The following MACF1 variants were observed in gnomAD, a reference collection of about 807,000 sequenced individuals.
The protein encoded by MACF1 is microtubule actin crosslinking factor 1.
A neutral mutation model predicts 854.8 loss-of-function variants in MACF1; 193 were observed. The observed-to-expected ratio is 0.23, with a 90% CI of 0.20 to 0.25. The LOEUF (loss-of-function observed/expected upper bound fraction) is 0.25. Among genes scored for constraint, MACF1 ranks in the 10% least tolerant of loss-of-function variants. The probability of loss-of-function intolerance (pLI) is 1.00; values close to 1 mark genes in which losing one functional copy is unlikely to be tolerated. For missense variants in MACF1, 7,722 were observed against 8,929.1 expected, an observed-to-expected ratio of 0.86 and a Z score of 5.45; for synonymous variants, 3,185 against 3,226.7, an observed-to-expected ratio of 0.99 and a Z score of 0.44.
intron 58 of MACF1, chr1:39,412,974 C>T (rs1434131340): frequency 1.3e-6 from 2 of 1,589,426 alleles, no homozygotes; most frequent in Admixed American, 1.8e-5. Flanking sequence ...CAGTATCAGC[C>T]CCAGAGAGGG....
Position 39,317,230 on chromosome 1 carries a change from T to C in MACF1, c.3605T>C (p.Val1202Ala), listed in dbSNP as rs752397713. 1 of 1,613,916 alleles carries C rather than the reference T, an allele frequency of 6.2e-7. No individual in the cohort carries two copies. The highest frequency in any genetic ancestry group is 2.2e-5 in the East Asian group (1 of 44,868). The change falls in exon 29 of 101, where the codon GTG (valine) becomes GCG (alanine). Residue 1202 changes from valine to alanine, a missense_variant. By Grantham distance (64) the Val-to-Ala change is moderately conservative. Transcript: ENST00000564288. ...TTTCCACAGCACTGGCTTAGTGATG[T>C]GAAGGACAAGAATTCAGTGTTTTCA... ...WSTLRHWLSD[V>A]KDKNSVFSVL...
chr1:39,094,342 T>C (rs187125453), intron 2 of MACF1, among the ~76,000 whole-genome samples: 6 of 150,612 alleles, frequency 4.0e-5, no homozygotes, highest in Non-Finnish European at 7.4e-5. Context: ...GTGGAGGTTG[T>C]GGTGAACTGA....
At chr1:39,224,106 G>A (rs778699393) in intron 1 of MACF1, among the ~76,000 whole-genome samples, 24 of 152,104 alleles carry the variant, frequency 1.6e-4, no homozygotes, top group Non-Finnish European at 2.9e-4. Flanking sequence ...AACTATGGAT[G>A]TTCATTAAAT....
chr1:39,152,034 G>T (rs1005514463), intron 2 of MACF1, among the ~76,000 whole-genome samples: 1 of 151,938 alleles, frequency 6.6e-6, no homozygotes, highest in African/African-American at 2.4e-5. Flanking sequence ...GAGTGCAATG[G>T]CGCAATCTCA....
intron 2 of MACF1, among the ~76,000 whole-genome samples, chr1:39,136,148 C>G (rs529539156): frequency 6.6e-6 from 1 of 152,192 alleles, no homozygotes; most frequent in Non-Finnish European, 1.5e-5. Flanking sequence ...CAATGCAGCC[C>G]ACCACCAGAA....
At chr1:39,281,629 TAC>T (rs1645549040) in intron 6 of MACF1, among the ~76,000 whole-genome samples, 1 of 152,144 alleles carries the variant, frequency 6.6e-6, no homozygotes, top group East Asian at 1.9e-4. Context: ...TAACTGGGAC[TAC>T]AGGCATGAGC....
In MACF1 at chr1:39,409,508, C is replaced by CGCTGCT. The variant is rs1330827162; in HGVS notation, c.15817-12860_15817-12855dup. On this transcript the variant is annotated intron_variant, in intron 58 of 100. Transcript: ENST00000564288. This position sits in a 1 kb window ranked among gnomAD's most constrained non-coding sequence, Gnocchi z 4.2. ...CGAGCCCCTCCGACAGACCCGCGGC[C>CGCTGCT]GCTGCTGCTGCCCGCCCGCCCGCCT... 2 of 152,076 alleles carry CGCTGCT rather than the reference C, an allele frequency of 1.3e-5. No individual in the cohort carries two copies. The highest frequency in any genetic ancestry group is 2.4e-5 in the African/African-American group (1 of 41,376). 9.4% of individuals were successfully genotyped at this position (152,076 alleles called of 1,614,324 possible).
At chr1:39,149,549 A>AAAAT (rs1010062822) in intron 2 of MACF1, among the ~76,000 whole-genome samples, 28 of 151,758 alleles carry the variant, frequency 1.8e-4, no homozygotes, top group African/African-American at 6.0e-4. Flanking sequence ...AATAAAAATA[A>AAAAT]AAATAAATAA....
At chr1:39,251,999 TC>T in intron 4 of MACF1, 58 bp downstream of exon 4, 1 of 1,223,414 alleles carries the variant, frequency 8.2e-7, no homozygotes. Flanking sequence ...TGCAGGGCCA[TC>T]AGAGTCTGAG....
At chr1:39,480,166 A>T in intron 98 of MACF1, 157 bp downstream of exon 98, 1 of 500,756 alleles carries the variant, frequency 2.0e-6, no homozygotes, top group Non-Finnish European at 3.6e-6. Context: ...ACACAGATCA[A>T]GACTGCCCTG....
chr1:39,406,847 A>G (rs1642735502), intron 58 of MACF1, among the ~76,000 whole-genome samples: 1 of 152,044 alleles, frequency 6.6e-6, no homozygotes, highest in Non-Finnish European at 1.5e-5. Flanking sequence ...GGCATGCTAA[A>G]CAGTCTGTTA....
At chr1:39,197,950 C>T (rs1644342230) in intron 2 of MACF1, among the ~76,000 whole-genome samples, 1 of 152,180 alleles carries the variant, frequency 6.6e-6, no homozygotes, top group South Asian at 2.1e-4. Context: ...ATAATCCCTG[C>T]ACTTTGGTAG....
At chr1:39,315,023 A>G (rs1312257210) in intron 26 of MACF1, among the ~76,000 whole-genome samples, 1 of 152,140 alleles carries the variant, frequency 6.6e-6, no homozygotes, top group Non-Finnish European at 1.5e-5. Context: ...TTCCTTATTT[A>G]TTTCTTTACA....
In MACF1 at chr1:39,335,305, C is replaced by A; in HGVS notation, c.8717C>A (p.Thr2906Lys). ...EVARNNMGND[T>K]NEEQEKAVTK... ...GCTAGAAATAACATGGGAAATGATA[C>A]AAATGAAGAGCAGGAAAAAGCAGTG... Residue 2906 changes from threonine to lysine, a missense_variant, in exon 37 of 101, where the codon ACA becomes AAA. Around this residue, in one of 15 missense-constraint regions of MACF1, gnomAD observed 854 missense variants for 852.6 expected, o/e 1.00. Transcript: ENST00000564288. 1 of 1,613,954 alleles carries A rather than the reference C, an allele frequency of 6.2e-7. No homozygotes were observed. Among genetic ancestry groups the A allele is most frequent in the Non-Finnish European group, 8.5e-7 (1 of 1,179,952 alleles).
intron 47 of MACF1, among the ~76,000 whole-genome samples, chr1:39,360,011 AAATATATATATATAT>A (rs1647986224): frequency 2.1e-5 from 1 of 46,576 alleles, no homozygotes; most frequent in African/African-American, 1.2e-4. Flanking sequence ...AAAAAAAAAA[AAATATATATATATAT>A]ATATATATAT....
At chr1:39,298,673 C>A (rs1180315103) in intron 21 of MACF1, 9 of 427,878 alleles carry the variant, frequency 2.1e-5, no homozygotes, top group Non-Finnish European at 4.2e-5. Context: ...GTATTGTAAA[C>A]CTATGAGTGG....
Position 39,357,423 on chromosome 1 carries a change from A to T in MACF1, c.11473A>T (p.Thr3825Ser), listed in dbSNP as rs946172189. ...CCAGCAGCAAAATTTCATTCTGGCC[A>T]CCCAGTCAGCTCAGGCCTTCTTGGA... ...LSQQQNFILA[T>S]QSAQAFLDQH... The change falls in exon 45 of 101, where the codon ACC becomes TCC. Residue 3825 changes from threonine (T) to serine (S), a missense_variant. By Grantham distance (58) the Thr-to-Ser change is moderately conservative. This residue lies in a region of MACF1 where 2,807 missense variants were observed against 3,235.8 expected (regional missense o/e 0.87). Transcript: ENST00000564288. 4.3e-6 allele frequency: 7 copies of T among 1,613,798 alleles called. No homozygotes were observed. The African/African-American group carries it at 6.7e-5, about 15-fold the overall frequency.
chr1:39,391,589 T>C (rs1486646677), intron 58 of MACF1, among the ~76,000 whole-genome samples: 1 of 152,220 alleles, frequency 6.6e-6, no homozygotes, highest in African/African-American at 2.4e-5. Flanking sequence ...TAAAATTGCA[T>C]TAGATATGAG....
chr1:39,182,594 C>T (rs761988201), intron 2 of MACF1, among the ~76,000 whole-genome samples: 7 of 152,070 alleles, frequency 4.6e-5, no homozygotes, highest in Non-Finnish European at 8.8e-5. Context: ...CTAATAAGCA[C>T]ATGAAAAGAT....
Sources: allele counts gnomAD v4.1 joint callset (sites outside exome capture counted in the v4.1 genomes callset), GRCh38; gene constraint gnomAD v4.1.1; regional missense constraint gnomAD v4.1.1; non-coding constraint Gnocchi (gnomAD v3.1); transcripts MANE v1.5; gene names NCBI Gene and HGNC (gene_info 2026-07-23, HGNC 2026-07-21).